LHFPL6: variants seen among roughly 807,000 people sequenced by gnomAD.
LHFPL6 encodes LHFPL tetraspan subfamily member 6 protein.
A neutral mutation model predicts 20.6 loss-of-function variants in LHFPL6; 9 were observed. The observed-to-expected ratio is 0.44, with a 90% CI of 0.26 to 0.76. The LOEUF is 0.76. Among genes scored for constraint, LHFPL6 ranks in the 30% least tolerant of loss-of-function variants. The pLI, the probability that LHFPL6 is intolerant of heterozygous loss-of-function variation, is 0.20. For synonymous variants in LHFPL6, 105 were observed against 98.7 expected, an observed-to-expected ratio of 1.06 and a Z score of -0.38; for missense variants, 218 against 253.5, an observed-to-expected ratio of 0.86 and a Z score of 0.95.
At chr13:39,362,887 G>A (rs570129182) in intron 3 of LHFPL6, among the ~76,000 whole-genome samples, 36 of 152,334 alleles carry the variant, frequency 2.4e-4, no homozygotes, top group African/African-American at 7.5e-4. Flanking sequence ...TGCAGGACCT[G>A]TGTCCAGTGG....
chr13:39,446,003 T>C (rs910411172), intron 2 of LHFPL6, among the ~76,000 whole-genome samples: 1 of 152,200 alleles, frequency 6.6e-6, no homozygotes, highest in South Asian at 2.1e-4. Context: ...AAAAGCATCA[T>C]TCCATCATAT....
At chr13:39,368,511 G>A (rs1170012239) in intron 3 of LHFPL6, among the ~76,000 whole-genome samples, 2 of 152,184 alleles carry the variant, frequency 1.3e-5, no homozygotes, top group South Asian at 2.1e-4. Flanking sequence ...GAACCTGAAA[G>A]GTGGAGGTTG....
chr13:39,345,080 C>T (rs142810101), intron 3 of LHFPL6, among the ~76,000 whole-genome samples: 4 of 152,286 alleles, frequency 2.6e-5, no homozygotes, highest in South Asian at 2.1e-4. Flanking sequence ...ATTTTTCAGC[C>T]GGTCTTACCA....
chr13:39,540,052 C>T (rs1870747872), intron 2 of LHFPL6, among the ~76,000 whole-genome samples: 2 of 151,998 alleles, frequency 1.3e-5, no homozygotes, highest in South Asian at 4.1e-4. Flanking sequence ...AAAAAGAAAG[C>T]TAAATCATGA....
chr13:39,526,489 C>T (rs1870291434), intron 2 of LHFPL6, among the ~76,000 whole-genome samples: 1 of 151,962 alleles, frequency 6.6e-6, no homozygotes, highest in South Asian at 2.1e-4. Context: ...GCAATTGCAA[C>T]CAATAACAAA....
chr13:39,391,502 A>G (rs565388946), intron 2 of LHFPL6, among the ~76,000 whole-genome samples: 6 of 152,190 alleles, frequency 3.9e-5, no homozygotes, highest in South Asian at 2.1e-4. Context: ...GTATGTGTGT[A>G]TAAAACATAC....
chr13:39,533,908 A>C (rs1870540643), intron 2 of LHFPL6, among the ~76,000 whole-genome samples: 1 of 152,136 alleles, frequency 6.6e-6, no homozygotes, highest in African/African-American at 2.4e-5. Flanking sequence ...AGTCATAGTA[A>C]TTTTAGGGTA....
intron 2 of LHFPL6, among the ~76,000 whole-genome samples, chr13:39,417,353 A>G (rs1871374859): frequency 6.6e-6 from 1 of 152,218 alleles, no homozygotes; most frequent in Non-Finnish European, 1.5e-5. Context: ...ATAATATTAA[A>G]TGGGGCAGGG....
rs111582276 is a variant in LHFPL6 at position 39,482,850 on chromosome 13, G to T, written c.386-104324C>A. Among the ~76,000 whole-genome samples the T allele has an allele frequency of 4.0e-3, 610 of 152,326 alleles. 3 individuals carry two copies. The highest frequency in any genetic ancestry group is 0.013 in the African/African-American group (559 of 41,576). ...AAAGGTGGGTGATACAAAAGATGAT[G>T]AAAAGAAAAGGCATTAGATACAGGA... On this transcript the variant is annotated intron_variant, in intron 2 of 3. Transcript: ENST00000379589.
At chr13:39,410,576 C>G (rs1193446072) in intron 2 of LHFPL6, among the ~76,000 whole-genome samples, 9 of 152,110 alleles carry the variant, frequency 5.9e-5, no homozygotes. Flanking sequence ...ACAAAACCAA[C>G]AAAAGACAGT....
chr13:39,383,219 G>A (rs1171506115), intron 2 of LHFPL6, among the ~76,000 whole-genome samples: 3 of 152,124 alleles, frequency 2.0e-5, no homozygotes, highest in African/African-American at 7.2e-5. Flanking sequence ...TTGTAACAAG[G>A]ACCTCACATG....
chr13:39,395,467 T>G (rs958043449), intron 2 of LHFPL6, among the ~76,000 whole-genome samples: 4 of 152,216 alleles, frequency 2.6e-5, no homozygotes, highest in African/African-American at 9.7e-5. Flanking sequence ...GATCTAGTTA[T>G]CTAAAAAATA....
chr13:39,533,729 G>T (rs1248148735), intron 2 of LHFPL6, among the ~76,000 whole-genome samples: 8 of 152,210 alleles, frequency 5.3e-5, no homozygotes, highest in African/African-American at 1.9e-4. Flanking sequence ...TTCTATGGCA[G>T]ATTGGAAGAC....
intron 2 of LHFPL6, among the ~76,000 whole-genome samples, chr13:39,553,251 A>G (rs1204927433): frequency 6.6e-6 from 1 of 152,250 alleles, no homozygotes; most frequent in African/African-American, 2.4e-5. Flanking sequence ...TCACTGTGGT[A>G]GACTAATTAC....
chr13:39,482,082 T>A lies in LHFPL6; in HGVS notation c.386-103556A>T, dbSNP rs117346695. On this transcript the variant is annotated intron_variant, in intron 2 of 3. Coordinates refer to ENST00000379589, the MANE Select transcript of LHFPL6 (RefSeq NM_005780.3). ...AAGCTGCTGGGTAAAGAGGATAGGA[T>A]TGGTGCAAAAGTTGCGAATTATTGT... is the stretch of plus-strand genomic sequence containing the variant. Among the ~76,000 whole-genome samples, 5 of 152,268 alleles carry A rather than the reference T, an allele frequency of 3.3e-5. No homozygotes were observed. In the East Asian group the frequency reaches 9.7e-4, roughly 30 times the overall value.
At chr13:39,509,647 C>A (rs1318569669) in intron 2 of LHFPL6, among the ~76,000 whole-genome samples, 1 of 151,866 alleles carries the variant, frequency 6.6e-6, no homozygotes, top group Non-Finnish European at 1.5e-5. Context: ...CCAAAATGAC[C>A]AATAAAGAAG....
intron 2 of LHFPL6, among the ~76,000 whole-genome samples, chr13:39,542,020 G>A (rs1010348766): frequency 1.3e-5 from 2 of 151,562 alleles, no homozygotes; most frequent in Non-Finnish European, 1.5e-5. Context: ...GAACCCGGGA[G>A]GCAGAGCTTG....
chr13:39,464,182 T>C (rs1872748016), intron 2 of LHFPL6, among the ~76,000 whole-genome samples: 1 of 151,902 alleles, frequency 6.6e-6, no homozygotes, highest in Non-Finnish European at 1.5e-5. Flanking sequence ...CTCAAAAGAG[T>C]GATGAGTTAA....
At chr13:39,373,227 C>A (rs547506162) in intron 3 of LHFPL6, among the ~76,000 whole-genome samples, 2 of 152,170 alleles carry the variant, frequency 1.3e-5, no homozygotes, top group African/African-American at 2.4e-5. Flanking sequence ...ACAGGCTGGA[C>A]GTTCCTAGGG....
Sources: gnomAD v4.1 joint callset for allele counts (sites outside exome capture counted in the v4.1 genomes callset) on GRCh38, gnomAD v4.1.1 for gene constraint, MANE v1.5 for transcripts, NCBI Gene and HGNC (gene_info 2026-07-23, HGNC 2026-07-21) for gene names.